The following NUP54 variants were observed in gnomAD, a reference collection of about 807,000 sequenced individuals.
The protein encoded by NUP54 is nucleoporin p54.
In NUP54, 27 loss-of-function variants were observed where a neutral mutation model predicts 66.4. The observed-to-expected ratio is 0.41, with a 90% CI of 0.30 to 0.56. The LOEUF (loss-of-function observed/expected upper bound fraction) is 0.56, where lower values mean the gene tolerates loss of function less well. NUP54 is among the 20% of genes least tolerant of loss of function. NUP54 has a pLI of 0.34. For missense variants in NUP54, 486 were observed against 596.3 expected (o/e 0.82, Z 1.93); for synonymous variants, 206 against 210.7 (o/e 0.98, Z 0.19).
chr4:76,136,731 G>A (rs9918072), intron 3 of NUP54, among the ~76,000 whole-genome samples: 20,006 of 152,064 alleles, frequency 0.13, 1,546 homozygotes, highest in East Asian at 0.35. Context: ...TGGAAGAGCC[G>A]CGAGCCAAGA....
At chr4:76,145,982 C>T in intron 1 of NUP54, 1 of 316,796 alleles carries the variant, frequency 3.2e-6, no homozygotes, top group Non-Finnish European at 6.2e-6. Context: ...AAGTCACCCA[C>T]AGTACTAAGC....
chr4:76,148,069 C>G, intron 1 of NUP54: 1 of 427,460 alleles, frequency 2.3e-6, no homozygotes, highest in Non-Finnish European at 4.1e-6. Context: ...CCGCTCAAGC[C>G]AGGGCCCTGT....
At position 76,144,063 on chromosome 4, in the gene NUP54, G is replaced by A. The variant is rs951908159; in HGVS notation, c.295+86C>T. On this transcript the variant is annotated intron_variant, in intron 3 of 11. Transcript: ENST00000264883. ...AATATATTAATAATTCTTATAAAAAGTCCACTAAAGTATTCTGAATGCACT... is the reference window on the plus strand; with the variant it reads ...AATATATTAATAATTCTTATAAAAAATCCACTAAAGTATTCTGAATGCACT... 3 of 1,288,120 alleles carry A rather than the reference G, an allele frequency of 2.3e-6. No homozygotes were observed. In the African/African-American group the frequency reaches 4.5e-5, roughly 19 times the overall value. 79.8% of individuals were successfully genotyped at this position (1,288,120 alleles called of 1,614,324 possible).
At chr4:76,118,815 T>C (rs552656033) in intron 9 of NUP54, among the ~76,000 whole-genome samples, 255 of 151,932 alleles carry the variant, frequency 1.7e-3, no homozygotes, top group Middle Eastern at 3.4e-3. Flanking sequence ...CCATCCTGGC[T>C]AACATGATGA....
Position 76,148,393 on chromosome 4 carries a change from C to A in NUP54, c.-19G>T, listed in dbSNP as rs1402254274. 2.0e-6 allele frequency: 3 copies of A among 1,497,016 alleles called. No individual in the cohort carries two copies. 92.7% of individuals were successfully genotyped at this position (1,497,016 alleles called of 1,614,324 possible). A position where few individuals can be genotyped will look rare whatever the true frequency, so the allele number is the denominator to read the frequency against. ...AGGCCATGTCGCGAAAGCAGGAGAC[C>A]AAGTAGGTTACTCCTGCGACGCGCA... On this transcript the variant is annotated 5_prime_UTR_variant, in exon 1 of 12. Coordinates refer to ENST00000264883, the MANE Select transcript of NUP54 (RefSeq NM_017426.4).
At chr4:76,139,851 C>T (rs1731189301) in intron 3 of NUP54, among the ~76,000 whole-genome samples, 1 of 152,136 alleles carries the variant, frequency 6.6e-6, no homozygotes, top group South Asian at 2.1e-4. Flanking sequence ...TGGTAGGGTT[C>T]ACATCACTTC....
chr4:76,118,040 A>T (rs6840007), intron 10 of NUP54, 35 bp downstream of exon 10: 235,224 of 1,600,626 alleles, frequency 0.15, 18,931 homozygotes, highest in East Asian at 0.35. Context: ...TCCACCTGAA[A>T]CAAATTTTAG....
At chr4:76,129,973 T>TG in intron 8 of NUP54, among the ~76,000 whole-genome samples, 18 of 28,490 alleles carry the variant, frequency 6.3e-4, no homozygotes, top group African/African-American at 3.8e-3. Context: ...AAAGTTTTTT[T>TG]TTTTTTTTTT....
intron 3 of NUP54, among the ~76,000 whole-genome samples, chr4:76,139,323 G>A (rs959451341): frequency 5.3e-5 from 8 of 152,150 alleles, no homozygotes; most frequent in African/African-American, 9.7e-5. Flanking sequence ...GCCTCTCAAC[G>A]TGACGTGATA....
chr4:76,142,018 A>G (rs1338849998), intron 3 of NUP54, among the ~76,000 whole-genome samples: 1 of 152,170 alleles, frequency 6.6e-6, no homozygotes, highest in East Asian at 1.9e-4. Context: ...GTGGTCTTCA[A>G]CCTTGTACAC....
At position 76,131,196 on chromosome 4, in the gene NUP54, G is replaced by A. The variant is rs368280971; in HGVS notation, c.962+34C>T. 51 of 1,374,210 alleles carry A rather than the reference G, an allele frequency of 3.7e-5. 1 individual carries two copies. In the African/African-American group the frequency reaches 6.7e-4, roughly 18 times the overall value. The allele number at this position is 1,374,210 out of a possible 1,614,324, so 85.1% of individuals were successfully genotyped here. A position where few individuals can be genotyped will look rare whatever the true frequency, so the allele number is the denominator to read the frequency against. ...TTTGCTTTCCTAGTAGCAAATATTA[G>A]TTCTTAAATGAAACAAGATGAAGAC... On this transcript the variant is annotated intron_variant, in intron 7 of 11. Transcript: ENST00000264883.
chr4:76,127,150 G>A (rs1054820743), intron 8 of NUP54, among the ~76,000 whole-genome samples: 2 of 152,002 alleles, frequency 1.3e-5, no homozygotes, highest in Admixed American at 1.3e-4. Context: ...TAAAAATATA[G>A]GGCTGGGCGC....
chr4:76,123,856 GC>G (rs1384790223), intron 9 of NUP54, among the ~76,000 whole-genome samples: 1 of 152,054 alleles, frequency 6.6e-6, no homozygotes, highest in Non-Finnish European at 1.5e-5. Flanking sequence ...CTACGGTGAT[GC>G]CTCTTTTCCC....
chr4:76,128,913 T>C (rs1730658502), intron 8 of NUP54, among the ~76,000 whole-genome samples: 1 of 152,170 alleles, frequency 6.6e-6, no homozygotes, highest in African/African-American at 2.4e-5. Flanking sequence ...AGTAGAATAG[T>C]GGCTACTAGA....
intron 1 of NUP54, chr4:76,147,423 A>G: frequency 2.6e-6 from 3 of 1,176,104 alleles, no homozygotes; most frequent in South Asian, 1.3e-5. Context: ...AGGAACCACA[A>G]TATTCTTGGA....
At chr4:76,116,662 G>A (rs1729964350) in intron 11 of NUP54, among the ~76,000 whole-genome samples, 1 of 152,118 alleles carries the variant, frequency 6.6e-6, no homozygotes, top group South Asian at 2.1e-4. Flanking sequence ...ACTTACATGC[G>A]ACATATAGGC....
intron 1 of NUP54, among the ~76,000 whole-genome samples, chr4:76,145,274 T>C (rs1478159334): frequency 6.8e-6 from 1 of 147,668 alleles, no homozygotes; most frequent in African/African-American, 2.5e-5. Flanking sequence ...GCCAAGATCT[T>C]GCCACTGTAC....
intron 1 of NUP54, chr4:76,147,727 A>G: frequency 9.4e-7 from 1 of 1,061,058 alleles, no homozygotes; most frequent in Non-Finnish European, 1.2e-6. Context: ...TAGAAGAATC[A>G]GCAGGAGGTT....
chr4:76,115,530 A>G, intron 11 of NUP54, 36 bp from the exon 12 acceptor site: 1 of 1,531,054 alleles, frequency 6.5e-7, no homozygotes, highest in Non-Finnish European at 8.8e-7. Context: ...TTAATGTATT[A>G]ATTTCTTAAA....
Sources: gnomAD v4.1 joint callset for allele counts (sites outside exome capture counted in the v4.1 genomes callset) on GRCh38, gnomAD v4.1.1 for gene constraint, MANE v1.5 for transcripts, NCBI Gene and HGNC (gene_info 2026-07-23, HGNC 2026-07-21) for gene names.